POLR3B: variants seen among roughly 807,000 people sequenced by gnomAD.
POLR3B encodes DNA-directed RNA polymerase III subunit RPC2.
In POLR3B, 96 loss-of-function variants were observed where a neutral mutation model predicts 147.4. The ratio of observed to expected loss-of-function variants is 0.65; its 90% CI spans 0.55 to 0.77. The LOEUF is 0.77. Among genes scored for constraint, POLR3B ranks in the 30% least tolerant of loss-of-function variants. The pLI is 0.00. For missense variants in POLR3B, 1,036 were observed against 1,413.5 expected, an observed-to-expected ratio of 0.73 and a Z score of 4.28; for synonymous variants, 461 against 485.9, an observed-to-expected ratio of 0.95 and a Z score of 0.67.
intron 23 of POLR3B, among the ~76,000 whole-genome samples, chr12:106,494,111 G>T (rs1457510851): frequency 6.6e-6 from 1 of 152,122 alleles, no homozygotes; most frequent in Non-Finnish European, 1.5e-5. Context: ...CAGATTTCAA[G>T]CAAAGGTATT....
chr12:106,457,570 G>T (rs970952097), intron 21 of POLR3B, among the ~76,000 whole-genome samples: 2 of 152,176 alleles, frequency 1.3e-5, no homozygotes, highest in African/African-American at 4.8e-5. Flanking sequence ...ATTTAGAGTA[G>T]TTTATGTCCC....
chr12:106,400,111 T>C (rs550167401), intron 10 of POLR3B, among the ~76,000 whole-genome samples: 1 of 152,214 alleles, frequency 6.6e-6, no homozygotes, highest in South Asian at 2.1e-4. Context: ...GAGACACACA[T>C]AGGCTCAAAA....
chr12:106,450,473 G>T (rs2037780607), intron 19 of POLR3B, among the ~76,000 whole-genome samples: 1 of 152,134 alleles, frequency 6.6e-6, no homozygotes, highest in Non-Finnish European at 1.5e-5. Flanking sequence ...TAAAGGATTT[G>T]TATTCAAGTA....
At chr12:106,469,668 TTGTTTG>T (rs2038061234) in intron 23 of POLR3B, among the ~76,000 whole-genome samples, 1 of 152,142 alleles carries the variant, frequency 6.6e-6, no homozygotes, top group Non-Finnish European at 1.5e-5. Context: ...GTCTCAGCAT[TTGTTTG>T]TCTGTAAAGG....
intron 25 of POLR3B, among the ~76,000 whole-genome samples, chr12:106,501,085 A>G (rs1475825474): frequency 6.6e-6 from 1 of 152,222 alleles, no homozygotes; most frequent in Non-Finnish European, 1.5e-5. Flanking sequence ...ATCATCCCAT[A>G]CACACTGTTT....
Position 106,432,485 on chromosome 12 carries a change from G to A in POLR3B, c.1627+5G>A, listed in dbSNP as rs987711052. Reference sequence around the variant, plus strand: ...TGTTTCTTGTCTTTCTTAATGGTGGGTATATTATAGAGACATGTTGGTCCT... The same window carrying A: ...TGTTTCTTGTCTTTCTTAATGGTGGATATATTATAGAGACATGTTGGTCCT... On this transcript the variant is annotated splice_donor_5th_base_variant and intron_variant, in intron 15 of 27. Transcript: ENST00000228347. The A allele has an allele frequency of 6.2e-7, 1 of 1,607,614 alleles. No individual in the cohort carries two copies. The highest frequency in any genetic ancestry group is 8.5e-7 in the Non-Finnish European group (1 of 1,174,244).
At chr12:106,471,349 T>C (rs2038088528) in intron 23 of POLR3B, among the ~76,000 whole-genome samples, 1 of 152,118 alleles carries the variant, frequency 6.6e-6, no homozygotes, top group African/African-American at 2.4e-5. Flanking sequence ...GGAGTGTACC[T>C]CTTCTCCAGG....
At chr12:106,409,346 GTTTTTTTTGTTTTT>G (rs1024601232) in intron 11 of POLR3B, among the ~76,000 whole-genome samples, 1 of 67,470 alleles carries the variant, frequency 1.5e-5, no homozygotes, top group East Asian at 3.1e-4. Context: ...TTGTAAGAGG[GTTTTTTTTGTTTTT>G]TTTTTTTTTT....
chr12:106,479,975 G>C (rs1478244289), intron 23 of POLR3B, among the ~76,000 whole-genome samples: 5 of 147,232 alleles, frequency 3.4e-5, no homozygotes, highest in Admixed American at 6.8e-5. Context: ...ACCATGCCTG[G>C]CTAATTTTTG....
In POLR3B at chr12:106,436,934, C is replaced by T. The variant is rs1289783761; in HGVS notation, c.1782-123C>T. On this transcript the variant is annotated intron_variant, in intron 16 of 27. Coordinates refer to ENST00000228347, the MANE Select transcript of POLR3B (RefSeq NM_018082.6). ...CCATACAAAAATTACCTGGTGTCCT[C>T]AGCAATCCAGGAATAGGTTTGTTTG... The T allele has an allele frequency of 3.9e-5, 30 of 770,080 alleles. No homozygotes were observed. In the Admixed American group the frequency reaches 4.4e-4, roughly 11 times the overall value. 47.7% of individuals were successfully genotyped at this position (770,080 alleles called of 1,614,324 possible).
intron 1 of POLR3B, among the ~76,000 whole-genome samples, chr12:106,363,268 C>G (rs2036492340): frequency 6.6e-6 from 1 of 152,216 alleles, no homozygotes; most frequent in South Asian, 2.1e-4. Flanking sequence ...CTTGACATTT[C>G]CACCTGAATG....
chr12:106,474,762 C>A (rs1371530295), intron 23 of POLR3B, among the ~76,000 whole-genome samples: 20 of 147,626 alleles, frequency 1.4e-4, no homozygotes, highest in Non-Finnish European at 2.4e-4. Flanking sequence ...CTCTTTTTTT[C>A]TTTATTAGTC....
At chr12:106,498,866 G>A (rs928724848) in intron 25 of POLR3B, among the ~76,000 whole-genome samples, 13 of 152,160 alleles carry the variant, frequency 8.5e-5, no homozygotes, top group Admixed American at 4.6e-4. Flanking sequence ...GATTACAGGC[G>A]TGAGCCACCA....
intron 9 of POLR3B, among the ~76,000 whole-genome samples, chr12:106,389,783 ACT>A (rs2036889840): frequency 6.6e-6 from 1 of 152,146 alleles, no homozygotes; most frequent in South Asian, 2.1e-4. Context: ...AGTGCCAGCT[ACT>A]TTAGAGGGTA....
intron 10 of POLR3B, among the ~76,000 whole-genome samples, chr12:106,399,544 A>G (rs1381708894): frequency 6.6e-6 from 1 of 152,236 alleles, no homozygotes; most frequent in African/African-American, 2.4e-5. Flanking sequence ...CCAAAGTTGA[A>G]ATGAAAGAAA....
At chr12:106,374,911 T>G (rs2036657465) in intron 6 of POLR3B, among the ~76,000 whole-genome samples, 1 of 152,234 alleles carries the variant, frequency 6.6e-6, no homozygotes, top group African/African-American at 2.4e-5. Context: ...TTCCATTTTC[T>G]TTGCTCACCA....
intron 11 of POLR3B, among the ~76,000 whole-genome samples, chr12:106,409,695 G>A (rs2249773): frequency 0.76 from 113,846 of 149,462 alleles, 44,884 homozygotes; most frequent in African/African-American, 0.95. Context: ...TTTGAATGCA[G>A]TCTATTGATT....
At chr12:106,477,546 G>T (rs1422640193) in intron 23 of POLR3B, among the ~76,000 whole-genome samples, 1 of 151,754 alleles carries the variant, frequency 6.6e-6, no homozygotes, top group Non-Finnish European at 1.5e-5. Flanking sequence ...TCCGAGCCAG[G>T]TGTGGGATAT....
At position 106,458,942 on chromosome 12, in the gene POLR3B, T is replaced by C. The variant is rs116175929; in HGVS notation, c.2453-309T>C. 0.016 allele frequency among the ~76,000 whole-genome samples: 2,468 copies of C among 152,310 alleles called. 67 individuals carry two copies. Among genetic ancestry groups the C allele is most frequent in the African/African-American group, 0.057 (2,350 of 41,560 alleles). On this transcript the variant is annotated intron_variant, in intron 21 of 27. Coordinates refer to ENST00000228347, the MANE Select transcript of POLR3B (RefSeq NM_018082.6). The stretch of plus-strand genomic sequence containing the variant: ...CCAAAACTTAACACCCTAAGAGATA[T>C]ATAAAATTGCTATTTACTGAGATGA...
Sources: gnomAD v4.1 joint callset for allele counts (sites outside exome capture counted in the v4.1 genomes callset) on GRCh38, gnomAD v4.1.1 for gene constraint, MANE v1.5 for transcripts, NCBI Gene and HGNC (gene_info 2026-07-23, HGNC 2026-07-21) for gene names.